SND1: variants seen among roughly 807,000 people sequenced by gnomAD.
The protein encoded by SND1 is staphylococcal nuclease domain-containing protein 1.
A neutral mutation model predicts 121.7 loss-of-function variants in SND1; 38 were observed. That is an observed-to-expected ratio of 0.31 (90% CI 0.24 to 0.41). The LOEUF (loss-of-function observed/expected upper bound fraction) is 0.41. Among genes scored for constraint, SND1 ranks in the 10% least tolerant of loss-of-function variants. SND1 has a pLI of 1.00. For synonymous variants in SND1, 401 were observed against 447.4 expected, an observed-to-expected ratio of 0.90 and a Z score of 1.31; for missense variants, 868 against 1,184.6, an observed-to-expected ratio of 0.73 and a Z score of 3.92.
chr7:127,959,344 C>T (rs1342924494), intron 15 of SND1, among the ~76,000 whole-genome samples: 1 of 152,214 alleles, frequency 6.6e-6, no homozygotes, highest in Non-Finnish European at 1.5e-5. Flanking sequence ...CATTCCTACA[C>T]ATGTAGCTGT....
At chr7:127,875,490 G>A (rs991225256) in intron 12 of SND1, among the ~76,000 whole-genome samples, 4 of 152,138 alleles carry the variant, frequency 2.6e-5, no homozygotes, top group Non-Finnish European at 5.9e-5. Flanking sequence ...ATGGAATAGG[G>A]TCAGAGGTAT....
chr7:128,071,036 G>A (rs1435551407), intron 16 of SND1, among the ~76,000 whole-genome samples: 3 of 152,148 alleles, frequency 2.0e-5, no homozygotes, highest in African/African-American at 7.2e-5. Flanking sequence ...TTAGCATCAT[G>A]TTATTGCATT....
rs543333035 is a variant in SND1, at chr7:127,901,667, T to A, written c.1455-3080T>A. Among the ~76,000 whole-genome samples the A allele has an allele frequency of 2.0e-5, 3 of 152,326 alleles. No individual in the cohort carries two copies. In the East Asian group the frequency reaches 5.8e-4, roughly 29 times the overall value. The stretch of plus-strand genomic sequence containing the variant: ...TAGTGGTTAACTACCTATTGTTAAC[T>A]TTGAATTTTGCTTCTCTTTCATGAA... On this transcript the variant is annotated intron_variant, in intron 13 of 23. Coordinates refer to ENST00000354725, the MANE Select transcript of SND1 (RefSeq NM_014390.4).
intron 10 of SND1, among the ~76,000 whole-genome samples, chr7:127,805,809 G>A (rs1254945191): frequency 6.6e-6 from 1 of 152,214 alleles, no homozygotes; most frequent in Non-Finnish European, 1.5e-5. Flanking sequence ...GGTGGCAAAG[G>A]TTCGGCCAGA....
intron 10 of SND1, among the ~76,000 whole-genome samples, chr7:127,746,525 C>A (rs1437882537): frequency 3.3e-5 from 5 of 152,152 alleles, no homozygotes; most frequent in African/African-American, 1.2e-4. Flanking sequence ...ATGTCACAGA[C>A]TCATCAGAGG....
chr7:127,941,260 G>A (rs1283566333), intron 15 of SND1, among the ~76,000 whole-genome samples: 1 of 152,074 alleles, frequency 6.6e-6, no homozygotes, highest in African/African-American at 2.4e-5. Flanking sequence ...AAGTAAATGA[G>A]ATCTACATCT....
At chr7:127,758,946 C>T (rs920999479) in intron 10 of SND1, among the ~76,000 whole-genome samples, 3 of 151,956 alleles carry the variant, frequency 2.0e-5, no homozygotes, top group South Asian at 2.1e-4. Flanking sequence ...CCTGGCTCCT[C>T]GGGAGACAAA....
chr7:127,930,226 C>T (rs573066793), intron 15 of SND1, among the ~76,000 whole-genome samples: 5 of 152,190 alleles, frequency 3.3e-5, no homozygotes, highest in South Asian at 2.1e-4. Context: ...TGGTCCCCAC[C>T]TTGCCTTTTT....
At chr7:127,801,148 G>A (rs1798119402) in intron 10 of SND1, among the ~76,000 whole-genome samples, 1 of 152,182 alleles carries the variant, frequency 6.6e-6, no homozygotes, top group Non-Finnish European at 1.5e-5. Flanking sequence ...AGGTATGTGT[G>A]TTACCACCTT....
At chr7:128,057,367 G>A (rs182857993) in intron 16 of SND1, among the ~76,000 whole-genome samples, 21 of 152,270 alleles carry the variant, frequency 1.4e-4, no homozygotes, top group African/African-American at 3.9e-4. Context: ...ATAGCATTTC[G>A]TCGCTGGTAA....
chr7:127,701,753 C>A (rs886458914), intron 5 of SND1, among the ~76,000 whole-genome samples: 2 of 152,168 alleles, frequency 1.3e-5, no homozygotes, highest in Non-Finnish European at 2.9e-5. Flanking sequence ...CAAAGATGCT[C>A]GAGTCCTTTA....
At chr7:128,075,046 T>G (rs543115631) in intron 17 of SND1, among the ~76,000 whole-genome samples, 1 of 152,336 alleles carries the variant, frequency 6.6e-6, no homozygotes, top group Admixed American at 6.5e-5. Context: ...GACCCTTCTC[T>G]GTCAGTGCCC....
At chr7:127,858,034 T>C in intron 12 of SND1, 2 of 1,430,760 alleles carry the variant, frequency 1.4e-6, no homozygotes, top group Non-Finnish European at 2.0e-6. Flanking sequence ...CCACATCACA[T>C]CCACCAGACC....
At chr7:127,829,684 T>C (rs867757501) in intron 11 of SND1, among the ~76,000 whole-genome samples, 1 of 152,252 alleles carries the variant, frequency 6.6e-6, no homozygotes, top group East Asian at 1.9e-4. Flanking sequence ...CAAAGTATGG[T>C]ATATCCTTAC....
At chr7:127,972,728 C>T (rs181444024) in intron 15 of SND1, among the ~76,000 whole-genome samples, 2 of 152,176 alleles carry the variant, frequency 1.3e-5, no homozygotes, top group Non-Finnish European at 2.9e-5. Flanking sequence ...TACAGGTATG[C>T]ACTATCACAC....
At chr7:127,679,579 T>C (rs949477973) in intron 1 of SND1, among the ~76,000 whole-genome samples, 3 of 152,212 alleles carry the variant, frequency 2.0e-5, no homozygotes, top group African/African-American at 7.2e-5. Context: ...TATCCATTAG[T>C]ATATTCCCCA....
At chr7:128,017,838 T>TG (rs1803259360) in intron 16 of SND1, among the ~76,000 whole-genome samples, 1 of 152,254 alleles carries the variant, frequency 6.6e-6, no homozygotes, top group Admixed American at 6.5e-5. Flanking sequence ...ACATGTTAAA[T>TG]GCTTCTAGTT....
chr7:128,089,215 A>T (rs1450512926), intron 21 of SND1, among the ~76,000 whole-genome samples: 1 of 151,978 alleles, frequency 6.6e-6, no homozygotes, highest in African/African-American at 2.4e-5. Flanking sequence ...CCCCATGCCC[A>T]GCTAATTTTT....
chr7:127,941,902 T>TG lies in SND1; in HGVS notation c.1669+12573_1669+12574insG, dbSNP rs904192475. ...GTTTGATAGGGAGTTTTTTTTTTTT[T>TG]TTTTTTTTTTAAATTTTCCAAGTTT... On this transcript the variant is annotated intron_variant, in intron 15 of 23. Transcript: ENST00000354725. Among the ~76,000 whole-genome samples the TG allele has an allele frequency of 2.7e-5, 4 of 145,872 alleles. No individual in the cohort carries two copies. The South Asian group carries it at 9.0e-4, about 33-fold the overall frequency.
Sources: gnomAD v4.1 joint callset for allele counts (sites outside exome capture counted in the v4.1 genomes callset) on GRCh38, gnomAD v4.1.1 for gene constraint, MANE v1.5 for transcripts, NCBI Gene and HGNC (gene_info 2026-07-23, HGNC 2026-07-21) for gene names.